IPMK: variants seen among roughly 807,000 people sequenced by gnomAD.
IPMK encodes the protein inositol 1,3,4,6-tetrakisphosphate 5-kinase.
A neutral mutation model predicts 45.8 loss-of-function variants in IPMK; 17 were observed. That is an observed-to-expected ratio of 0.37 (90% CI 0.25 to 0.56). IPMK has a LOEUF of 0.56. Among genes scored for constraint, IPMK ranks in the 20% least tolerant of loss-of-function variants. IPMK has a pLI of 0.79. For missense variants in IPMK, 399 were observed against 498.0 expected (o/e 0.80, Z 1.89); for synonymous variants, 180 against 184.3 (o/e 0.98, Z 0.19).
intron 5 of IPMK, among the ~76,000 whole-genome samples, chr10:58,199,019 TAAATG>T (rs1173189722): frequency 6.6e-6 from 1 of 152,022 alleles, no homozygotes; most frequent in Non-Finnish European, 1.5e-5. Flanking sequence ...TAATAAGAAA[TAAATG>T]AAAATGTAAC....
rs746395205 is a variant in IPMK at position 58,196,428 on chromosome 10, G to A, written c.899C>T (p.Ser300Phe). The change falls in exon 6 of 6, where the codon TCC becomes TTC. Residue 300 changes from serine (S) to phenylalanine (F), a missense_variant. Physicochemically the swap from Ser to Phe is radical, Grantham distance 155. Around this residue, in one of 2 missense-constraint regions of IPMK, gnomAD observed 288 missense variants for 398.0 expected, o/e 0.72. Coordinates refer to ENST00000373935, the MANE Select transcript of IPMK (RefSeq NM_152230.5). ...EYNNNFHVLS[S>F]TANGKIESSV... is the part of the protein sequence containing the mutation. ...AGACTCTATTTTTCCATTAGCTGTG[G>A]AACTTAACACATGAAAGTTATTATT... 8.7e-6 allele frequency: 14 copies of A among 1,613,958 alleles called. No individual in the cohort carries two copies. The highest frequency in any genetic ancestry group is 2.2e-5 in the East Asian group (1 of 44,884).
At chr10:58,267,030 T>C (rs1263715451) in intron 1 of IPMK, among the ~76,000 whole-genome samples, 1 of 152,216 alleles carries the variant, frequency 6.6e-6, no homozygotes, top group Non-Finnish European at 1.5e-5. Flanking sequence ...TCATTCCTTT[T>C]CTTTTGCAAT....
chr10:58,229,518 G>A lies in IPMK; in HGVS notation c.277-2379C>T, dbSNP rs547071238. 2.4e-4 allele frequency among the ~76,000 whole-genome samples: 32 copies of A among 135,888 alleles called. No individual in the cohort carries two copies. The South Asian group carries it at 7.3e-3, about 31-fold the overall frequency. The allele number at this position is 135,888 out of a possible 152,430, so 89.1% of individuals were successfully genotyped here. A position where few individuals can be genotyped will look rare whatever the true frequency, so the allele number is the denominator to read the frequency against. ...GTGGAGGTTGCAGTGAGCAGAGACT[G>A]CGCCACTGCACTCCAGCCTGGGCAA... On this transcript the variant is annotated intron_variant, in intron 2 of 5. Transcript: ENST00000373935.
In IPMK at chr10:58,216,207, G is replaced by C. The variant is rs776825670; in HGVS notation, c.484C>G (p.Gln162Glu). ...AATGGGTACTTGCTGACCTGTTGCT[G>C]AATCTTCTCAGATGAGGCAAAAGGA... ...YDPFASSEKI[Q>E]QQVSKYPLME... Residue 162 changes from glutamine to glutamate, a missense_variant, in exon 4 of 6, where the codon CAG (glutamine) becomes GAG (glutamate). Gln to Glu is a conservative substitution (Grantham distance 29). Transcript: ENST00000373935. 2 of 1,612,060 alleles carry C rather than the reference G, an allele frequency of 1.2e-6. No individual in the cohort carries two copies. Among genetic ancestry groups the C allele is most frequent in the East Asian group, 2.2e-5 (1 of 44,698 alleles).
At chr10:58,266,273 A>T (rs997762429) in intron 1 of IPMK, among the ~76,000 whole-genome samples, 1 of 152,250 alleles carries the variant, frequency 6.6e-6, no homozygotes, top group African/African-American at 2.4e-5. Context: ...GCACACAAAC[A>T]AAGTAGGTAA....
At chr10:58,197,629 A>G (rs1262486366) in intron 5 of IPMK, among the ~76,000 whole-genome samples, 4 of 147,166 alleles carry the variant, frequency 2.7e-5, no homozygotes, top group Non-Finnish European at 4.5e-5. Flanking sequence ...CAGCCTGCGC[A>G]ACAGAACGAG....
chr10:58,266,163 T>C (rs1270963577), intron 1 of IPMK, among the ~76,000 whole-genome samples: 1 of 151,896 alleles, frequency 6.6e-6, no homozygotes, highest in Non-Finnish European at 1.5e-5. Flanking sequence ...CTATTCAATA[T>C]TTCCTGAGTG....
At chr10:58,197,698 A>T (rs1476747390) in intron 5 of IPMK, among the ~76,000 whole-genome samples, 2 of 151,096 alleles carry the variant, frequency 1.3e-5, no homozygotes, top group Non-Finnish European at 2.9e-5. Flanking sequence ...ATAGGATTCA[A>T]GACTTGCTCT....
chr10:58,231,391 T>C (rs944315076), intron 2 of IPMK, among the ~76,000 whole-genome samples: 9 of 151,634 alleles, frequency 5.9e-5, no homozygotes, highest in African/African-American at 2.2e-4. Context: ...TTCACCAAGG[T>C]TGAAATGAAG....
chr10:58,259,915 T>C (rs142703786), intron 1 of IPMK, among the ~76,000 whole-genome samples: 16 of 152,266 alleles, frequency 1.1e-4, no homozygotes, highest in Non-Finnish European at 2.4e-4. Flanking sequence ...CATAGTACTA[T>C]ATGAGTCTGT....
chr10:58,199,434 G>A, intron 4 of IPMK, 113 bp from the exon 5 acceptor site: 2 of 556,730 alleles, frequency 3.6e-6, no homozygotes, highest in African/African-American at 2.0e-5. Context: ...CATTCTAATA[G>A]ATTTGAGAAG....
chr10:58,249,165 C>G (rs540300821), intron 1 of IPMK, among the ~76,000 whole-genome samples: 2 of 152,332 alleles, frequency 1.3e-5, no homozygotes, highest in African/African-American at 4.8e-5. Flanking sequence ...GTAGTGTTCT[C>G]TTTCTCCACA....
intron 1 of IPMK, among the ~76,000 whole-genome samples, chr10:58,260,647 T>C (rs995604064): frequency 1.4e-4 from 22 of 152,108 alleles, no homozygotes; most frequent in Non-Finnish European, 2.8e-4. Context: ...TTAATAAATT[T>C]AAATTTTTTT....
intron 1 of IPMK, among the ~76,000 whole-genome samples, chr10:58,264,075 T>C (rs1839113625): frequency 6.6e-6 from 1 of 152,238 alleles, no homozygotes; most frequent in Non-Finnish European, 1.5e-5. Flanking sequence ...CTATGGACTA[T>C]AGATTAAAGT....
At chr10:58,217,565 G>A (rs1838263145) in intron 3 of IPMK, among the ~76,000 whole-genome samples, 1 of 151,414 alleles carries the variant, frequency 6.6e-6, no homozygotes, top group Non-Finnish European at 1.5e-5. Context: ...GCAGGTGCCT[G>A]TAATCCCAAC....
chr10:58,262,634 G>T (rs1839089650), intron 1 of IPMK, among the ~76,000 whole-genome samples: 1 of 152,134 alleles, frequency 6.6e-6, no homozygotes, highest in Non-Finnish European at 1.5e-5. Flanking sequence ...TGACTCTAGG[G>T]CTGGGGAAGA....
intron 1 of IPMK, among the ~76,000 whole-genome samples, chr10:58,239,268 A>G (rs1260544572): frequency 6.6e-6 from 1 of 152,254 alleles, no homozygotes; most frequent in Non-Finnish European, 1.5e-5. Flanking sequence ...GAGTAGTCCA[A>G]TATAACTAAA....
chr10:58,204,619 C>G (rs2132145470), intron 4 of IPMK, among the ~76,000 whole-genome samples: 1 of 152,188 alleles, frequency 6.6e-6, no homozygotes, highest in Middle Eastern at 3.4e-3. Flanking sequence ...CAAAGTGAGA[C>G]ACAGTCTCCA....
At chr10:58,221,666 C>T (rs1021884141) in intron 3 of IPMK, among the ~76,000 whole-genome samples, 1 of 152,150 alleles carries the variant, frequency 6.6e-6, no homozygotes, top group African/African-American at 2.4e-5. Context: ...TAAAGTGATC[C>T]TCTCGCTGCA....
Sources: gnomAD v4.1 joint callset for allele counts (sites outside exome capture counted in the v4.1 genomes callset) on GRCh38, gnomAD v4.1.1 for gene constraint, gnomAD v4.1.1 regional missense constraint, MANE v1.5 for transcripts, NCBI Gene and HGNC (gene_info 2026-07-23, HGNC 2026-07-21) for gene names.